KCNJ3: variants seen among roughly 807,000 people sequenced by gnomAD.
KCNJ3 encodes the protein potassium inwardly rectifying channel subfamily J member 3.
KCNJ3 carries 4 observed loss-of-function variants against 39.2 expected under a neutral mutation model. The observed-to-expected ratio is 0.10, with a 90% CI of 0.05 to 0.23. The LOEUF (loss-of-function observed/expected upper bound fraction) is 0.23, where lower values mean the gene tolerates loss of function less well. KCNJ3 is among the 10% of genes least tolerant of loss of function. The pLI is 1.00. For missense variants in KCNJ3, 276 were observed against 634.9 expected (o/e 0.43, Z 6.08); for synonymous variants, 230 against 237.4 (o/e 0.97, Z 0.29).
chr2:154,847,133 T>C (rs994965194), intron 2 of KCNJ3, among the ~76,000 whole-genome samples: 2 of 152,196 alleles, frequency 1.3e-5, no homozygotes, highest in Non-Finnish European at 2.9e-5. Flanking sequence ...AATTTATGTA[T>C]TCTTAATGGC....
intron 2 of KCNJ3, among the ~76,000 whole-genome samples, chr2:154,807,975 G>A (rs1686941881): frequency 6.6e-6 from 1 of 151,968 alleles, no homozygotes; most frequent in South Asian, 2.1e-4. Flanking sequence ...CAGCATCAGT[G>A]TGTCTCATTC....
At chr2:154,709,565 A>C (rs1219396280) in intron 1 of KCNJ3, 38 bp from the exon 2 acceptor site, 5 of 1,596,476 alleles carry the variant, frequency 3.1e-6, no homozygotes, top group Non-Finnish European at 3.4e-6. Context: ...TTTCAGTACA[A>C]GTGGTGATTT....
intron 2 of KCNJ3, among the ~76,000 whole-genome samples, chr2:154,740,312 G>T (rs1418936789): frequency 6.6e-6 from 1 of 151,900 alleles, no homozygotes; most frequent in Non-Finnish European, 1.5e-5. Flanking sequence ...GGTACCTGCT[G>T]GTCTCTTAGG....
At chr2:154,843,572 A>T (rs1294182779) in intron 2 of KCNJ3, among the ~76,000 whole-genome samples, 2 of 151,988 alleles carry the variant, frequency 1.3e-5, no homozygotes, top group Non-Finnish European at 2.9e-5. Context: ...TTTCAGGTAC[A>T]CCAATCAAAT....
At chr2:154,731,947 G>C (rs1366857645) in intron 2 of KCNJ3, among the ~76,000 whole-genome samples, 1 of 151,966 alleles carries the variant, frequency 6.6e-6, no homozygotes, top group East Asian at 1.9e-4. Flanking sequence ...TCATTACGAT[G>C]TGCCAGGGAA....
Position 154,726,796 on chromosome 2 carries a change from T to TACACACACAC in KCNJ3, c.919+17007_919+17016dup, listed in dbSNP as rs58366846. Among the ~76,000 whole-genome samples, 1,116 of 115,406 alleles carry TACACACACAC rather than the reference T, an allele frequency of 9.7e-3. 25 individuals are homozygous for TACACACACAC. The highest frequency in any genetic ancestry group is 0.029 in the African/African-American group (939 of 32,398). 75.7% of individuals were successfully genotyped at this position (115,406 alleles called of 152,430 possible). A position where few individuals can be genotyped will look rare whatever the true frequency, so the allele number is the denominator to read the frequency against. On this transcript the variant is annotated intron_variant, in intron 2 of 2. Coordinates refer to ENST00000295101, the MANE Select transcript of KCNJ3 (RefSeq NM_002239.4). ...CACACACACATACATTTTATATACA[T>TACACACACAC]ACACACACACACACACACACACACA...
At chr2:154,777,056 A>ACACACT (rs951876245) in intron 2 of KCNJ3, among the ~76,000 whole-genome samples, 1 of 151,954 alleles carries the variant, frequency 6.6e-6, no homozygotes, top group Admixed American at 6.6e-5. Context: ...ACACACACAC[A>ACACACT]CACACTCATT....
At position 154,769,527 on chromosome 2, in the gene KCNJ3, C is replaced by T. The variant is rs370215422; in HGVS notation, c.919+59708C>T. Among the ~76,000 whole-genome samples, 21 of 152,214 alleles carry T rather than the reference C, an allele frequency of 1.4e-4. 1 individual carries two copies. The East Asian group carries it at 3.3e-3, about 24-fold the overall frequency. On this transcript the variant is annotated intron_variant, in intron 2 of 2. Transcript: ENST00000295101. ...TATGTTGCACCAGCCTTACATCCCA[C>T]GGATGAAGCCCACTTGATCATGTTA... is the stretch of plus-strand genomic sequence containing the variant.
At chr2:154,723,493 A>C (rs1359399259) in intron 2 of KCNJ3, among the ~76,000 whole-genome samples, 3 of 152,276 alleles carry the variant, frequency 2.0e-5, no homozygotes, top group Middle Eastern at 3.4e-3. Context: ...CAAAAAGGGA[A>C]GCTACCACAG....
intron 2 of KCNJ3, among the ~76,000 whole-genome samples, chr2:154,776,794 A>G (rs1360853495): frequency 2.0e-5 from 3 of 152,196 alleles, no homozygotes; most frequent in Non-Finnish European, 4.4e-5. Flanking sequence ...CAGTGTTCCC[A>G]AGATGACTGA....
intron 2 of KCNJ3, among the ~76,000 whole-genome samples, chr2:154,735,404 G>C (rs916668679): frequency 2.6e-5 from 4 of 152,112 alleles, no homozygotes; most frequent in Non-Finnish European, 5.9e-5. Flanking sequence ...GTGAGCCACG[G>C]AGCCCGGCCA....
intron 2 of KCNJ3, among the ~76,000 whole-genome samples, chr2:154,846,810 A>G (rs1687671129): frequency 6.6e-6 from 1 of 152,134 alleles, no homozygotes; most frequent in South Asian, 2.1e-4. Flanking sequence ...GGGAGCTTAG[A>G]AACCTTAAGT....
intron 2 of KCNJ3, among the ~76,000 whole-genome samples, chr2:154,773,700 C>G (rs1377630684): frequency 6.6e-6 from 1 of 151,978 alleles, no homozygotes; most frequent in East Asian, 1.9e-4. Flanking sequence ...TTTTAGGTTG[C>G]ACATTTTTCA....
At chr2:154,772,520 A>G (rs1275599592) in intron 2 of KCNJ3, among the ~76,000 whole-genome samples, 1 of 152,168 alleles carries the variant, frequency 6.6e-6, no homozygotes, top group African/African-American at 2.4e-5. Context: ...GTACTATAAA[A>G]TCTACTTTTA....
chr2:154,767,398 A>G (rs1686153693), intron 2 of KCNJ3, among the ~76,000 whole-genome samples: 1 of 151,280 alleles, frequency 6.6e-6, no homozygotes, highest in Non-Finnish European at 1.5e-5. Context: ...AAGTGTTCTC[A>G]TTGTTCAATT....
intron 2 of KCNJ3, among the ~76,000 whole-genome samples, chr2:154,731,196 T>G (rs1314345490): frequency 6.6e-6 from 1 of 152,084 alleles, no homozygotes; most frequent in Non-Finnish European, 1.5e-5. Flanking sequence ...TGGTATGATT[T>G]GGGTAACATT....
At chr2:154,791,892 A>G (rs1382320510) in intron 2 of KCNJ3, among the ~76,000 whole-genome samples, 2 of 152,092 alleles carry the variant, frequency 1.3e-5, no homozygotes, top group African/African-American at 4.8e-5. Context: ...TACAGGCGAG[A>G]TTTTGTATAA....
intron 2 of KCNJ3, among the ~76,000 whole-genome samples, chr2:154,836,397 T>G (rs1205186798): frequency 6.6e-6 from 1 of 152,104 alleles, no homozygotes; most frequent in African/African-American, 2.4e-5. Flanking sequence ...TCAGCATTTT[T>G]ATATCTTTGA....
At position 154,699,589 on chromosome 2, in the gene KCNJ3, A is replaced by G; in HGVS notation, c.702+112A>G. On this transcript the variant is annotated intron_variant, in intron 1 of 2. Transcript: ENST00000295101. The surrounding 1 kb of genome is among the most constrained non-coding windows in gnomAD (Gnocchi z 6.4). The stretch of plus-strand genomic sequence containing the variant: ...CTCCCCTGGTTCTACCTATAGCCAC[A>G]GGTAAACTTCCTTTTGGGGGGTTGG... 6.9e-7 allele frequency: 1 copy of G among 1,445,042 alleles called. No individual in the cohort carries two copies. Among genetic ancestry groups the G allele is most frequent in the Non-Finnish European group, 9.1e-7 (1 of 1,100,688 alleles). The allele number at this position is 1,445,042 out of a possible 1,614,324, so 89.5% of individuals were successfully genotyped here. A position where few individuals can be genotyped will look rare whatever the true frequency, so the allele number is the denominator to read the frequency against.
Sources: gnomAD v4.1 joint callset for allele counts (sites outside exome capture counted in the v4.1 genomes callset) on GRCh38, gnomAD v4.1.1 for gene constraint, Gnocchi (gnomAD v3.1) non-coding constraint, MANE v1.5 for transcripts, NCBI Gene and HGNC (gene_info 2026-07-23, HGNC 2026-07-21) for gene names.